Variants in MACROD2 observed in about 807,000 individuals in gnomAD.
MACROD2 encodes the protein ADP-ribose glycohydrolase MACROD2.
Under a neutral mutation model 70.4 loss-of-function variants are expected in MACROD2, and 36 were observed. The observed-to-expected ratio is 0.51, with a 90% confidence interval of 0.39 to 0.68. The LOEUF is 0.68. Among genes scored for constraint, MACROD2 ranks in the 30% least tolerant of loss-of-function variants. The pLI, the probability that MACROD2 is intolerant of heterozygous loss-of-function variation, is 0.00. For synonymous variants in MACROD2, 172 were observed against 178.8 expected (o/e 0.96, Z 0.30); for missense variants, 496 against 538.4 (o/e 0.92, Z 0.78).
At chr20:14,255,858 T>G (rs1387391893) in intron 3 of MACROD2, among the ~76,000 whole-genome samples, 2 of 151,974 alleles carry the variant, frequency 1.3e-5, no homozygotes, top group Admixed American at 1.3e-4. Flanking sequence ...TTAAAACATT[T>G]TTTGTCTTTG....
intron 4 of MACROD2, among the ~76,000 whole-genome samples, chr20:14,627,825 C>G (rs1984270691): frequency 6.6e-6 from 1 of 151,990 alleles, no homozygotes; most frequent in African/African-American, 2.4e-5. Context: ...GATTCAATGA[C>G]AAAAAATGCA....
intron 3 of MACROD2, among the ~76,000 whole-genome samples, chr20:14,454,000 C>T (rs1204428786): frequency 6.6e-6 from 1 of 151,902 alleles, no homozygotes; most frequent in East Asian, 1.9e-4. Context: ...ACCAAATTGT[C>T]TTCCAATAGT....
chr20:14,326,619 A>G lies in MACROD2; in HGVS notation c.272-166860A>G. 1 of 1,613,868 alleles carries G rather than the reference A, an allele frequency of 6.2e-7. No homozygotes were observed. Among genetic ancestry groups the G allele is most frequent in the Non-Finnish European group, 8.5e-7 (1 of 1,179,844 alleles). On this transcript the variant is annotated intron_variant, in intron 3 of 17. Transcript: ENST00000684519. This position sits in a 1 kb window ranked among gnomAD's most constrained non-coding sequence, Gnocchi z 5.5. ...TGTTGCGAAGAATCAGTTGTGTTAT[A>G]TTGTCCAAATCATCAAAGATACCCT...
intron 5 of MACROD2, among the ~76,000 whole-genome samples, chr20:14,847,601 T>C (rs1198139436): frequency 6.6e-6 from 1 of 151,412 alleles, no homozygotes; most frequent in Admixed American, 6.6e-5. Flanking sequence ...CTTCAAAAAG[T>C]AGAATGATTA....
chr20:14,704,646 C>T (rs1320877778), intron 5 of MACROD2, among the ~76,000 whole-genome samples: 2 of 152,242 alleles, frequency 1.3e-5, no homozygotes, highest in Middle Eastern at 3.4e-3. Context: ...TTGGAAGGTT[C>T]GTCCTGGCCT....
intron 8 of MACROD2, among the ~76,000 whole-genome samples, chr20:15,748,318 A>G (rs757814952): frequency 1.6e-4 from 25 of 151,922 alleles, no homozygotes; most frequent in Non-Finnish European, 2.2e-4. Context: ...GAGCCAATCA[A>G]TGTCCACAAT....
chr20:14,968,139 G>A (rs543415971), intron 5 of MACROD2, among the ~76,000 whole-genome samples: 1 of 152,082 alleles, frequency 6.6e-6, no homozygotes, highest in Non-Finnish European at 1.5e-5. Flanking sequence ...TATATGGTAG[G>A]TCAAAAAACA....
At chr20:14,045,251 A>AGGGCC (rs1438745280) in intron 2 of MACROD2, among the ~76,000 whole-genome samples, 3 of 152,230 alleles carry the variant, frequency 2.0e-5, no homozygotes, top group African/African-American at 4.8e-5. Flanking sequence ...GGTGGGCTGA[A>AGGGCC]GGGCCCCTCA....
At chr20:14,461,950 G>A (rs560427262) in intron 3 of MACROD2, among the ~76,000 whole-genome samples, 3 of 152,112 alleles carry the variant, frequency 2.0e-5, no homozygotes, top group Admixed American at 1.3e-4. Context: ...AGAAACATAC[G>A]TGTGCATGTG....
intron 5 of MACROD2, among the ~76,000 whole-genome samples, chr20:14,979,342 A>C (rs1444466908): frequency 1.3e-5 from 2 of 152,148 alleles, no homozygotes; most frequent in Non-Finnish European, 2.9e-5. Flanking sequence ...GCTTGACATA[A>C]AATAAATGTG....
At chr20:15,101,156 G>T (rs1004612981) in intron 5 of MACROD2, among the ~76,000 whole-genome samples, 6 of 152,112 alleles carry the variant, frequency 3.9e-5, no homozygotes, top group Non-Finnish European at 8.8e-5. Flanking sequence ...AAAAATAACT[G>T]CATTAAAAAG....
intron 5 of MACROD2, among the ~76,000 whole-genome samples, chr20:15,179,889 C>G (rs547616382): frequency 1.3e-5 from 2 of 152,164 alleles, no homozygotes; most frequent in African/African-American, 4.8e-5. Context: ...ATACCACAGA[C>G]CAGATGGCTT....
intron 8 of MACROD2, among the ~76,000 whole-genome samples, chr20:15,774,454 C>T (rs1568553759): frequency 6.6e-6 from 1 of 152,096 alleles, no homozygotes; most frequent in East Asian, 1.9e-4. Flanking sequence ...CAAAGGCTGT[C>T]CCTCGGAGGA....
At chr20:15,795,771 C>A (rs1344398362) in intron 8 of MACROD2, among the ~76,000 whole-genome samples, 2 of 152,172 alleles carry the variant, frequency 1.3e-5, no homozygotes, top group Non-Finnish European at 2.9e-5. Flanking sequence ...AGATAAAAGG[C>A]TCACCAATGC....
intron 8 of MACROD2, among the ~76,000 whole-genome samples, chr20:15,591,151 C>T (rs770567553): frequency 3.3e-5 from 5 of 152,098 alleles, no homozygotes; most frequent in South Asian, 2.1e-4. Flanking sequence ...CGGATTTGAG[C>T]GGTACCTTTC....
chr20:14,255,641 T>A (rs928848460), intron 3 of MACROD2, among the ~76,000 whole-genome samples: 7 of 151,714 alleles, frequency 4.6e-5, no homozygotes, highest in Non-Finnish European at 1.0e-4. Context: ...CATATGTAAC[T>A]AACCTGCACA....
chr20:14,867,902 C>A (rs1001553521), intron 5 of MACROD2, among the ~76,000 whole-genome samples: 2 of 152,054 alleles, frequency 1.3e-5, no homozygotes, highest in African/African-American at 4.8e-5. Context: ...CCCTATCTTG[C>A]ACCATCTGCC....
chr20:15,433,479 A>AG (rs2046389446), intron 7 of MACROD2, among the ~76,000 whole-genome samples: 1 of 150,086 alleles, frequency 6.7e-6, no homozygotes. Flanking sequence ...AAAAAAAAAA[A>AG]GATAAAATAT....
At position 14,082,182 on chromosome 20, in the gene MACROD2, T is replaced by TTC. The variant is rs1555916964; in HGVS notation, c.164-3438_164-3437insCT. Among the ~76,000 whole-genome samples the TTC allele has an allele frequency of 2.5e-4, 32 of 127,016 alleles. No individual in the cohort carries two copies. The East Asian group carries it at 5.5e-3, about 22-fold the overall frequency. The allele number at this position is 127,016 out of a possible 152,430, so 83.3% of individuals were successfully genotyped here. ...CCATACCTTTCTTTTTTTTTCTTTTTTTTTTTTTTTTTTTGAGATGTAGTC... is the reference window on the plus strand; with the variant it reads ...CCATACCTTTCTTTTTTTTTCTTTTTTCTTTTTTTTTTTTTTGAGATGTAGTC... On this transcript the variant is annotated intron_variant, in intron 2 of 17. Transcript: ENST00000684519.
Sources: allele counts gnomAD v4.1 joint callset (sites outside exome capture counted in the v4.1 genomes callset), GRCh38; gene constraint gnomAD v4.1.1; non-coding constraint Gnocchi (gnomAD v3.1); transcripts MANE v1.5; gene names NCBI Gene and HGNC (gene_info 2026-07-23, HGNC 2026-07-21).